The following ZNF169 variants were observed in gnomAD, a reference collection of about 807,000 sequenced individuals.
The protein encoded by ZNF169 is zinc finger protein 169.
ZNF169 carries 11 observed loss-of-function variants against 12.0 expected under a neutral mutation model. The ratio of observed to expected loss-of-function variants is 0.92; its 90% CI spans 0.58 to 1.52. ZNF169 has a LOEUF of 1.52. Among genes scored for constraint, ZNF169 ranks in the 40% most tolerant of loss-of-function variants. The pLI is 0.00. For missense variants in ZNF169, 722 were observed against 744.0 expected, an observed-to-expected ratio of 0.97 and a Z score of 0.34; for synonymous variants, 302 against 286.5, an observed-to-expected ratio of 1.05 and a Z score of -0.55.
Position 94,274,343 on chromosome 9 carries a change from A to G in ZNF169, c.-55-4415A>G, listed in dbSNP as rs572965468. 4.6e-5 allele frequency among the ~76,000 whole-genome samples: 7 copies of G among 152,312 alleles called. No individual in the cohort carries two copies. In the East Asian group the frequency reaches 1.3e-3, roughly 29 times the overall value. On this transcript the variant is annotated intron_variant, in intron 1 of 4. Transcript: ENST00000395395. ...CAAGTCACAAATTTGGTAAGTTGTA[A>G]TATGTATTAATAAGTTTATTAGAAT...
chr9:94,301,086 G>A lies in ZNF169; in HGVS notation c.1528G>A (p.Glu510Lys). ...CACCCGACACCAGAGGACACACTCAGAGGAGGAGCTTTACGTAGACAGGGT... is the reference window on the plus strand; with the variant it reads ...CACCCGACACCAGAGGACACACTCAAAGGAGGAGCTTTACGTAGACAGGGT... ...LLTRHQRTHS[E>K]EELYVDRVCG... The change falls in exon 5 of 5, where the codon GAG (glutamate) becomes AAG (lysine). Residue 510 changes from glutamate to lysine, a missense_variant. Physicochemically the swap from Glu to Lys is moderately conservative, Grantham distance 56 (BLOSUM62 1). Coordinates refer to ENST00000395395, the MANE Select transcript of ZNF169 (RefSeq NM_194320.4). 1 of 1,614,202 alleles carries A rather than the reference G, an allele frequency of 6.2e-7. No homozygotes were observed. Among genetic ancestry groups the A allele is most frequent in the Non-Finnish European group, 8.5e-7 (1 of 1,180,038 alleles).
chr9:94,262,074 A>G (rs1253082582), intron 1 of ZNF169, among the ~76,000 whole-genome samples: 1 of 152,170 alleles, frequency 6.6e-6, no homozygotes, highest in Non-Finnish European at 1.5e-5. Flanking sequence ...AATTACTTCC[A>G]TTGTCCTTTT....
At chr9:94,269,947 G>A (rs1830361883) in intron 1 of ZNF169, among the ~76,000 whole-genome samples, 1 of 152,152 alleles carries the variant, frequency 6.6e-6, no homozygotes, top group Admixed American at 6.6e-5. Flanking sequence ...TAAATCAGGA[G>A]GTTTGAGGAG....
At chr9:94,291,150 G>A (rs1157934811) in intron 2 of ZNF169, among the ~76,000 whole-genome samples, 1 of 143,520 alleles carries the variant, frequency 7.0e-6, no homozygotes, top group Non-Finnish European at 1.5e-5. Context: ...CGCCTCCCAG[G>A]TTCAAGCAAT....
intron 4 of ZNF169, 93 bp downstream of exon 4, chr9:94,293,162 A>G (rs1830884123): frequency 1.7e-6 from 2 of 1,177,994 alleles, no homozygotes; most frequent in African/African-American, 3.0e-5. Flanking sequence ...GCTAGGAGGA[A>G]GTTCTTCTTC....
chr9:94,286,914 G>A (rs1360558075), intron 2 of ZNF169, among the ~76,000 whole-genome samples: 2 of 152,178 alleles, frequency 1.3e-5, no homozygotes, highest in Admixed American at 6.5e-5. Context: ...CGTAAAAGAG[G>A]TGAGGATGAA....
intron 2 of ZNF169, among the ~76,000 whole-genome samples, 194 bp from the exon 3 acceptor site, chr9:94,292,147 A>T (rs1408816891): frequency 1.3e-5 from 2 of 152,238 alleles, no homozygotes; most frequent in African/African-American, 4.8e-5. Flanking sequence ...CCAGAAATAG[A>T]ACCAGCATCA....
chr9:94,289,456 C>CTA (rs774156778), intron 2 of ZNF169, among the ~76,000 whole-genome samples: 2 of 151,874 alleles, frequency 1.3e-5, no homozygotes, highest in African/African-American at 2.4e-5. Flanking sequence ...TTATGATAAG[C>CTA]TATATATATG....
At chr9:94,262,717 C>A (rs551098005) in intron 1 of ZNF169, among the ~76,000 whole-genome samples, 5 of 152,186 alleles carry the variant, frequency 3.3e-5, no homozygotes, top group Non-Finnish European at 7.4e-5. Context: ...CCTCGGCCTC[C>A]CAAAGTGCTG....
intron 1 of ZNF169, among the ~76,000 whole-genome samples, chr9:94,263,828 T>A (rs935762204): frequency 5.1e-5 from 7 of 136,686 alleles, no homozygotes; most frequent in African/African-American, 1.7e-4. Context: ...TTTGGGCCAA[T>A]TGAATTTTTT....
intron 1 of ZNF169, among the ~76,000 whole-genome samples, chr9:94,277,220 T>C (rs913273462): frequency 6.6e-6 from 1 of 152,088 alleles, no homozygotes; most frequent in African/African-American, 2.4e-5. Flanking sequence ...AGAAAGGAAA[T>C]GTTCAGGTTA....
intron 1 of ZNF169, among the ~76,000 whole-genome samples, chr9:94,272,939 T>C (rs112773042): frequency 8.5e-5 from 13 of 152,316 alleles, no homozygotes; most frequent in African/African-American, 3.1e-4. Context: ...TTAGGTGATA[T>C]CTCATTTTGG....
chr9:94,292,226 A>G, intron 2 of ZNF169, 115 bp from the exon 3 acceptor site: 1 of 1,572,444 alleles, frequency 6.4e-7, no homozygotes, highest in Non-Finnish European at 8.7e-7. Context: ...GGATCTGTAA[A>G]TCTCACTTGG....
chr9:94,277,819 C>A (rs1209936475), intron 1 of ZNF169, among the ~76,000 whole-genome samples: 3 of 151,684 alleles, frequency 2.0e-5, no homozygotes, highest in Non-Finnish European at 4.4e-5. Flanking sequence ...GTAGTCCCAG[C>A]TACTCGGGAG....
intron 1 of ZNF169, among the ~76,000 whole-genome samples, chr9:94,263,473 T>G (rs184470620): frequency 3.9e-5 from 6 of 152,180 alleles, no homozygotes; most frequent in African/African-American, 1.4e-4. Flanking sequence ...ACCTATGTCT[T>G]TATATTTAAA....
At position 94,301,592 on chromosome 9, in the gene ZNF169, T is replaced by A. The variant is rs1001309733; in HGVS notation, c.*222T>A. On this transcript the variant is annotated 3_prime_UTR_variant, in exon 5 of 5. Transcript: ENST00000395395. ...TTTTGACAACGGAAATATATTTTCATATTTATGGAGGCTGGAAGTCCCAGA... is the reference window on the plus strand; with the variant it reads ...TTTTGACAACGGAAATATATTTTCAAATTTATGGAGGCTGGAAGTCCCAGA... The A allele has an allele frequency of 3.7e-6, 3 of 817,080 alleles. No individual in the cohort carries two copies. The African/African-American group carries it at 5.2e-5, about 14-fold the overall frequency. 50.6% of individuals were successfully genotyped at this position (817,080 alleles called of 1,614,324 possible).
chr9:94,275,332 G>A (rs920365472), intron 1 of ZNF169, among the ~76,000 whole-genome samples: 2 of 152,196 alleles, frequency 1.3e-5, no homozygotes, highest in Admixed American at 1.3e-4. Context: ...ACCATTGTAA[G>A]TTGGGGACTG....
intron 1 of ZNF169, among the ~76,000 whole-genome samples, chr9:94,270,719 ATATT>A (rs1759577416): frequency 5.0e-5 from 1 of 19,812 alleles, no homozygotes; most frequent in South Asian, 3.4e-3. Flanking sequence ...ATAATATATA[ATATT>A]ATATATTATA....
intron 2 of ZNF169, among the ~76,000 whole-genome samples, chr9:94,291,334 G>A (rs185253993): frequency 3.9e-5 from 6 of 152,136 alleles, no homozygotes; most frequent in African/African-American, 1.4e-4. Flanking sequence ...TTACAGATGT[G>A]AGCCATTGCA....
Sources: gnomAD v4.1 joint callset for allele counts (sites outside exome capture counted in the v4.1 genomes callset) on GRCh38, gnomAD v4.1.1 for gene constraint, MANE v1.5 for transcripts, NCBI Gene and HGNC (gene_info 2026-07-23, HGNC 2026-07-21) for gene names.